The following NDST4 variants were observed in gnomAD, a reference collection of about 807,000 sequenced individuals.
NDST4 encodes the protein N-deacetylase and N-sulfotransferase 4, also known as N-heparan sulfate sulfotransferase 4.
NDST4 carries 63 observed loss-of-function variants against 100.8 expected under a neutral mutation model. That is an observed-to-expected ratio of 0.62 (90% CI 0.51 to 0.77). NDST4 has a LOEUF of 0.77. Among genes scored for constraint, NDST4 ranks in the 30% least tolerant of loss-of-function variants. NDST4 has a pLI of 0.00. For missense variants in NDST4, 943 were observed against 1,018.4 expected (o/e 0.93, Z 1.01); for synonymous variants, 377 against 361.8 (o/e 1.04, Z -0.48).
chr4:115,097,253 T>C lies in NDST4; in HGVS notation c.-247+16191A>G, dbSNP rs547314784. 1.2e-4 allele frequency among the ~76,000 whole-genome samples: 19 copies of C among 152,278 alleles called. No individual in the cohort carries two copies. The South Asian group carries it at 3.7e-3, about 30-fold the overall frequency. ...GCTAAATCTATTACCAACTCCTGTT[T>C]GTATATCTAACCACATATGTGATAT... On this transcript the variant is annotated intron_variant, in intron 1 of 13. Transcript: ENST00000264363.
intron 2 of NDST4, among the ~76,000 whole-genome samples, chr4:115,042,105 A>T (rs374543832): frequency 1.3e-5 from 2 of 152,282 alleles, no homozygotes; most frequent in East Asian, 3.9e-4. Flanking sequence ...ACTGTCTGAA[A>T]ATATTAATAA....
intron 2 of NDST4, among the ~76,000 whole-genome samples, chr4:115,044,393 A>G (rs1047802659): frequency 6.6e-6 from 1 of 152,180 alleles, no homozygotes; most frequent in Admixed American, 6.6e-5. Flanking sequence ...GTGAGAAGAA[A>G]AGGGTATGGT....
chr4:114,867,282 G>T (rs943643479), intron 7 of NDST4, among the ~76,000 whole-genome samples: 1 of 152,082 alleles, frequency 6.6e-6, no homozygotes, highest in Non-Finnish European at 1.5e-5. Flanking sequence ...TTATGTCACA[G>T]CTATTCAAAT....
Position 114,911,420 on chromosome 4 carries a change from C to G in NDST4, c.1536+23786G>C, listed in dbSNP as rs79434783. On this transcript the variant is annotated intron_variant, in intron 6 of 13. Transcript: ENST00000264363. ...GCCAAACATTACCTCATCACAGAGG[C>G]CTGCCATGCTAATATATGTAACTCC... 1.7e-3 allele frequency among the ~76,000 whole-genome samples: 260 copies of G among 152,188 alleles called. 3 individuals carry two copies. Among genetic ancestry groups the G allele is most frequent in the African/African-American group, 5.9e-3 (246 of 41,516 alleles).
At chr4:114,854,239 G>C (rs1723741359) in intron 7 of NDST4, among the ~76,000 whole-genome samples, 1 of 152,096 alleles carries the variant, frequency 6.6e-6, no homozygotes, top group African/African-American at 2.4e-5. Flanking sequence ...TTGCCTTTTT[G>C]TGCCTGGCTT....
rs114853465 is a variant in NDST4 at position 114,938,736 on chromosome 4, A to G, written c.1222-1233T>C. ...CTTAGTCATACGCTACACTCAGTTC[A>G]GAAGATGAACCCTAAATTTTTCACA... is the stretch of plus-strand genomic sequence containing the variant. On this transcript the variant is annotated intron_variant, in intron 4 of 13. Coordinates refer to ENST00000264363, the MANE Select transcript of NDST4 (RefSeq NM_022569.3). 4.2e-3 allele frequency among the ~76,000 whole-genome samples: 646 copies of G among 152,354 alleles called. 7 individuals are homozygous for G. The highest frequency in any genetic ancestry group is 0.027 in the Middle Eastern group (8 of 294).
chr4:114,971,279 T>C (rs1726509319), intron 3 of NDST4, among the ~76,000 whole-genome samples: 1 of 152,102 alleles, frequency 6.6e-6, no homozygotes, highest in African/African-American at 2.4e-5. Context: ...TTGTTTATAA[T>C]ATGTGTGACT....
At chr4:114,977,113 T>C in intron 3 of NDST4, 74 bp downstream of exon 3, 2 of 930,674 alleles carry the variant, frequency 2.1e-6, no homozygotes, top group Non-Finnish European at 3.3e-6. Context: ...AATCTATCTC[T>C]ACCACTTATG....
chr4:115,007,261 G>A (rs1421532903), intron 2 of NDST4, among the ~76,000 whole-genome samples: 1 of 152,156 alleles, frequency 6.6e-6, no homozygotes, highest in East Asian at 1.9e-4. Flanking sequence ...TGCAGCTGTA[G>A]TATGGTTAAA....
chr4:115,112,719 A>G (rs1454362301), intron 1 of NDST4, among the ~76,000 whole-genome samples: 1 of 151,954 alleles, frequency 6.6e-6, no homozygotes, highest in African/African-American at 2.4e-5. Flanking sequence ...GTAAAACCAT[A>G]TTCCAATAAC....
chr4:114,992,369 C>A (rs994971249), intron 2 of NDST4, among the ~76,000 whole-genome samples: 19 of 151,754 alleles, frequency 1.3e-4, no homozygotes, highest in African/African-American at 4.6e-4. Context: ...CGCCCCACCA[C>A]CCAGATTCCT....
chr4:115,107,361 T>C (rs1002549790), intron 1 of NDST4, among the ~76,000 whole-genome samples: 1 of 152,142 alleles, frequency 6.6e-6, no homozygotes, highest in Non-Finnish European at 1.5e-5. Flanking sequence ...CACTAAATAG[T>C]GTGCCATATC....
rs577725498 is a variant in NDST4 at position 115,056,045 on chromosome 4, G to T, written c.978+20014C>A. 5.9e-5 allele frequency among the ~76,000 whole-genome samples: 9 copies of T among 152,124 alleles called. No individual in the cohort carries two copies. The South Asian group carries it at 1.7e-3, about 28-fold the overall frequency. On this transcript the variant is annotated intron_variant, in intron 2 of 13. Transcript: ENST00000264363. ...CTGATAATATAATTAATATTAAGTT[G>T]CATTATGATTATATTACACTATTAG...
intron 6 of NDST4, among the ~76,000 whole-genome samples, chr4:114,911,952 G>C (rs1725071739): frequency 6.6e-6 from 1 of 152,116 alleles, no homozygotes; most frequent in Non-Finnish European, 1.5e-5. Flanking sequence ...GCAGCTGAGA[G>C]GGGGAAGTTT....
At chr4:114,938,400 T>TC (rs1432003239) in intron 4 of NDST4, among the ~76,000 whole-genome samples, 1 of 152,238 alleles carries the variant, frequency 6.6e-6, no homozygotes, top group African/African-American at 2.4e-5. Flanking sequence ...TAAAAAATTG[T>TC]CAAAGAATGG....
At chr4:114,966,477 A>G (rs1367505970) in intron 4 of NDST4, among the ~76,000 whole-genome samples, 1 of 150,902 alleles carries the variant, frequency 6.6e-6, no homozygotes, top group Non-Finnish European at 1.5e-5. Flanking sequence ...GATAGATTGT[A>G]TTTAAAAAAT....
At chr4:114,890,145 A>C (rs572609959) in intron 6 of NDST4, among the ~76,000 whole-genome samples, 17 of 144,180 alleles carry the variant, frequency 1.2e-4, no homozygotes, top group African/African-American at 4.9e-4. Flanking sequence ...TAACAATGGA[A>C]ATTGTTAGTA....
At chr4:115,014,692 T>G (rs775212818) in intron 2 of NDST4, among the ~76,000 whole-genome samples, 1 of 152,070 alleles carries the variant, frequency 6.6e-6, no homozygotes, top group Non-Finnish European at 1.5e-5. Flanking sequence ...CAGAGGATGC[T>G]GCTTGGAGTT....
chr4:115,027,057 G>C (rs1728002527), intron 2 of NDST4, among the ~76,000 whole-genome samples: 1 of 152,144 alleles, frequency 6.6e-6, no homozygotes, highest in East Asian at 1.9e-4. Flanking sequence ...GGTTGAAGTT[G>C]ACACCTTATC....
Sources: gnomAD v4.1 joint callset for allele counts (sites outside exome capture counted in the v4.1 genomes callset) on GRCh38, gnomAD v4.1.1 for gene constraint, MANE v1.5 for transcripts, NCBI Gene and HGNC (gene_info 2026-07-23, HGNC 2026-07-21) for gene names.